The following RNF169 variants were observed in gnomAD, a reference collection of about 807,000 sequenced individuals.
RNF169 encodes E3 ubiquitin-protein ligase RNF169.
In RNF169, 24 loss-of-function variants were observed where a neutral mutation model predicts 53.9. The observed-to-expected ratio is 0.45, with a 90% confidence interval of 0.32 to 0.63. RNF169 has a LOEUF of 0.63. RNF169 is among the 20% of genes least tolerant of loss of function. RNF169 has a pLI of 0.04. For missense variants in RNF169, 883 were observed against 906.2 expected, an observed-to-expected ratio of 0.97 and a Z score of 0.33; for synonymous variants, 396 against 363.5, an observed-to-expected ratio of 1.09 and a Z score of -1.02.
intron 1 of RNF169, among the ~76,000 whole-genome samples, chr11:74,774,804 A>T (rs912576387): frequency 6.6e-6 from 1 of 151,776 alleles, no homozygotes; most frequent in African/African-American, 2.4e-5. Context: ...AAAAATACAA[A>T]CAAAATTAGC....
At position 74,832,792 on chromosome 11, in the gene RNF169, G is replaced by T. The variant is rs139516667; in HGVS notation, c.843-1884G>T. 1.9e-3 allele frequency among the ~76,000 whole-genome samples: 292 copies of T among 152,108 alleles called. 1 individual carries two copies. The highest frequency in any genetic ancestry group is 4.7e-3 in the African/African-American group (194 of 41,482). On this transcript the variant is annotated intron_variant, in intron 4 of 5. Transcript: ENST00000299563. ...CTGTCTCCCTTTTTTCTAACCCAAG[G>T]TATATATTATTTACCACAGCATTTT...
At chr11:74,772,724 A>G (rs376782207) in intron 1 of RNF169, among the ~76,000 whole-genome samples, 3 of 152,192 alleles carry the variant, frequency 2.0e-5, no homozygotes, top group Non-Finnish European at 1.5e-5. Context: ...GATAATCAAT[A>G]TTGTTTCATA....
At chr11:74,750,003 C>G (rs1425457211) in intron 1 of RNF169, among the ~76,000 whole-genome samples, 5 of 152,126 alleles carry the variant, frequency 3.3e-5, no homozygotes, top group African/African-American at 1.2e-4. Flanking sequence ...ACTACTAAGT[C>G]CAGTAGTGCC....
intron 4 of RNF169, among the ~76,000 whole-genome samples, chr11:74,825,054 ACTATAC>A (rs1399142470): frequency 6.6e-6 from 1 of 152,236 alleles, no homozygotes. Context: ...AGCTGGAGTA[ACTATAC>A]TAATATCAGA....
At chr11:74,759,346 G>A (rs1404466798) in intron 1 of RNF169, among the ~76,000 whole-genome samples, 56 of 135,862 alleles carry the variant, frequency 4.1e-4, no homozygotes, top group Non-Finnish European at 6.5e-4. Context: ...CCAACACTAT[G>A]TTGAATAGGA....
chr11:74,825,477 CAAT>C (rs768398303), intron 4 of RNF169, among the ~76,000 whole-genome samples: 2 of 152,058 alleles, frequency 1.3e-5, no homozygotes, highest in Non-Finnish European at 2.9e-5. Flanking sequence ...CTCAATAGAC[CAAT>C]AATGAGTTCT....
At chr11:74,779,654 T>C (rs2035388004) in intron 1 of RNF169, among the ~76,000 whole-genome samples, 1 of 152,142 alleles carries the variant, frequency 6.6e-6, no homozygotes, top group Admixed American at 6.5e-5. Context: ...CAATTCTAGC[T>C]GATTTGATTT....
chr11:74,818,132 A>G (rs746631975), intron 4 of RNF169, among the ~76,000 whole-genome samples: 3 of 152,234 alleles, frequency 2.0e-5, no homozygotes, highest in African/African-American at 4.8e-5. Flanking sequence ...AAAGTTTTTA[A>G]GACCTTTGTC....
chr11:74,769,662 A>C (rs1195974319), intron 1 of RNF169, among the ~76,000 whole-genome samples: 3 of 152,062 alleles, frequency 2.0e-5, no homozygotes, highest in African/African-American at 7.3e-5. Flanking sequence ...AATCTGGAAA[A>C]AATACTTGCA....
At chr11:74,773,886 C>T (rs577289757) in intron 1 of RNF169, among the ~76,000 whole-genome samples, 1 of 152,216 alleles carries the variant, frequency 6.6e-6, no homozygotes, top group African/African-American at 2.4e-5. Context: ...GTGTAAACTG[C>T]TTATAGAAAG....
chr11:74,824,328 A>G (rs1176613992), intron 4 of RNF169, among the ~76,000 whole-genome samples: 1 of 152,232 alleles, frequency 6.6e-6, no homozygotes, highest in African/African-American at 2.4e-5. Context: ...AATCTGAGAA[A>G]CAGAAAAAAG....
At chr11:74,816,993 A>C (rs2035949452) in intron 3 of RNF169, among the ~76,000 whole-genome samples, 1 of 152,248 alleles carries the variant, frequency 6.6e-6, no homozygotes, top group Non-Finnish European at 1.5e-5. Flanking sequence ...AGATTGTTGC[A>C]GTAGTCCAGG....
intron 1 of RNF169, among the ~76,000 whole-genome samples, chr11:74,772,675 T>A (rs1389234850): frequency 6.6e-6 from 1 of 152,126 alleles, no homozygotes; most frequent in East Asian, 1.9e-4. Context: ...GAGATAATAA[T>A]GGTAACAGCC....
At chr11:74,817,385 A>G (rs1210513209) in intron 3 of RNF169, among the ~76,000 whole-genome samples, 1 of 152,212 alleles carries the variant, frequency 6.6e-6, no homozygotes, top group East Asian at 1.9e-4. Context: ...TGGGTTGGTG[A>G]TGGGGCTTAC....
Position 74,840,271 on chromosome 11 carries a change from A to AT in RNF169, c.*3542dup, listed in dbSNP as rs1191664349. The AT allele has an allele frequency of 1.3e-5, 2 of 152,178 alleles. No homozygotes were observed. The highest frequency in any genetic ancestry group is 2.9e-5 in the Non-Finnish European group (2 of 68,038). The allele number at this position is 152,178 out of a possible 1,614,324, so 9.4% of individuals were successfully genotyped here. On this transcript the variant is annotated 3_prime_UTR_variant, in exon 6 of 6. Coordinates refer to ENST00000299563, the MANE Select transcript of RNF169 (RefSeq NM_001098638.2). ...TCAATGTCTAATGGAATGCATTTGA[A>AT]TGTATGTGTGGCTGGAGAGTTCATT...
At chr11:74,786,854 T>C (rs1402349472) in intron 1 of RNF169, among the ~76,000 whole-genome samples, 3 of 152,218 alleles carry the variant, frequency 2.0e-5, no homozygotes, top group Non-Finnish European at 4.4e-5. Context: ...GTGTAAAAAA[T>C]GAAAATGTTA....
intron 3 of RNF169, among the ~76,000 whole-genome samples, chr11:74,813,575 C>G (rs2035902925): frequency 6.6e-6 from 1 of 152,182 alleles, no homozygotes; most frequent in African/African-American, 2.4e-5. Context: ...GATACATATC[C>G]TTATAGATAT....
At chr11:74,792,464 C>T (rs2035592544) in intron 2 of RNF169, among the ~76,000 whole-genome samples, 1 of 151,918 alleles carries the variant, frequency 6.6e-6, no homozygotes, top group Non-Finnish European at 1.5e-5. Flanking sequence ...TGCAGCGGTG[C>T]AGTCTTGGCT....
In RNF169 at chr11:74,810,214, C is replaced by G; in HGVS notation, c.607C>G (p.Pro203Ala). The stretch of plus-strand genomic sequence containing the variant: ...AGAAGAAAAGTTACAAGAGGAAAAA[C>G]CCTCTGAAGATCAAATCCACAAGCT... ...LREEKLQEEK[P>A]SEDQIHKLLP... Residue 203 changes from proline (P) to alanine (A), a missense_variant, in exon 3 of 6, where the codon CCC (proline) becomes GCC (alanine). Around this residue, in one of 3 missense-constraint regions of RNF169, gnomAD observed 219 missense variants for 289.1 expected, o/e 0.76. Transcript: ENST00000299563. 3 of 1,612,794 alleles carry G rather than the reference C, an allele frequency of 1.9e-6. No individual in the cohort carries two copies. Among genetic ancestry groups the G allele is most frequent in the Non-Finnish European group, 1.7e-6 (2 of 1,179,490 alleles).
Sources: allele counts gnomAD v4.1 joint callset (sites outside exome capture counted in the v4.1 genomes callset), GRCh38; gene constraint gnomAD v4.1.1; regional missense constraint gnomAD v4.1.1; transcripts MANE v1.5; gene names NCBI Gene and HGNC (gene_info 2026-07-23, HGNC 2026-07-21).